Variants in SPATA2L observed in about 807,000 individuals in gnomAD.
The protein encoded by SPATA2L is spermatogenesis associated 2 like, also known as spermatogenesis-associated protein 2-like protein.
A neutral mutation model predicts 8.7 loss-of-function variants in SPATA2L; 5 were observed. That is an observed-to-expected ratio of 0.57 (90% CI 0.30 to 1.21). SPATA2L has a LOEUF of 1.21. Among genes scored for constraint, SPATA2L ranks in the 50% most tolerant of loss-of-function variants. The probability of loss-of-function intolerance (pLI) is 0.07; values close to 1 mark genes in which losing one functional copy is unlikely to be tolerated. For synonymous variants in SPATA2L, 358 were observed against 275.8 expected (o/e 1.30, Z -2.95); for missense variants, 671 against 591.0 (o/e 1.14, Z -1.40).
intron 2 of SPATA2L, 41 bp downstream of exon 2, chr16:89,700,889 G>A (rs772168987): frequency 4.3e-6 from 6 of 1,407,512 alleles, no homozygotes; most frequent in Non-Finnish European, 5.6e-6. Flanking sequence ...GCGACCCGCA[G>A]GCCAGGACGA....
Position 89,697,010 on chromosome 16 carries a change from A to G in SPATA2L, c.*324T>C. ...GGCCAGGAGCCACGGGCCTTGGGGC[A>G]CAGGGTCCTTCTCAGGGACAGGTTC... On this transcript the variant is annotated 3_prime_UTR_variant, in exon 3 of 3. Coordinates refer to ENST00000289805, the MANE Select transcript of SPATA2L (RefSeq NM_152339.4). The G allele has an allele frequency of 1.4e-6, 2 of 1,422,154 alleles. No individual in the cohort carries two copies. The highest frequency in any genetic ancestry group is 9.2e-7 in the Non-Finnish European group (1 of 1,086,804). 88.1% of individuals were successfully genotyped at this position (1,422,154 alleles called of 1,614,324 possible).
rs760890726 is a variant in SPATA2L, at chr16:89,700,908, C to G, written c.303+22G>C. 19 of 1,420,156 alleles carry G rather than the reference C, an allele frequency of 1.3e-5. No homozygotes were observed. The African/African-American group carries it at 2.7e-4, about 20-fold the overall frequency. 88.0% of individuals were successfully genotyped at this position (1,420,156 alleles called of 1,614,324 possible). A position where few individuals can be genotyped will look rare whatever the true frequency, so the allele number is the denominator to read the frequency against. ...CCCGCAGGCCAGGACGAGGGGCGCG[C>G]TCCTCCTGGCCTGGCGCCTACCTTG... On this transcript the variant is annotated intron_variant, in intron 2 of 2. Transcript: ENST00000289805.
rs2060737292 is a variant in SPATA2L, at chr16:89,697,279, G to A, written c.*55C>T. 2.1e-6 allele frequency: 3 copies of A among 1,462,670 alleles called. No homozygotes were observed. Among genetic ancestry groups the A allele is most frequent in the Non-Finnish European group, 2.7e-6 (3 of 1,112,656 alleles). 90.6% of individuals were successfully genotyped at this position (1,462,670 alleles called of 1,614,324 possible). A position where few individuals can be genotyped will look rare whatever the true frequency, so the allele number is the denominator to read the frequency against. ...GAGGCCCAGACCCCTCCCCAGCAAA[G>A]AGAAGCACCACGGGAGCTGTCTCCC... On this transcript the variant is annotated 3_prime_UTR_variant, in exon 3 of 3. Coordinates refer to ENST00000289805, the MANE Select transcript of SPATA2L (RefSeq NM_152339.4).
intron 2 of SPATA2L, among the ~76,000 whole-genome samples, chr16:89,700,608 A>T (rs1223615582): frequency 1.3e-5 from 2 of 152,216 alleles, no homozygotes; most frequent in African/African-American, 4.8e-5. Context: ...TGGGAACTCA[A>T]GTCCCTTCTG....
Position 89,697,036 on chromosome 16 carries a change from A to T in SPATA2L, c.*298T>A. ...CAGGGTCCTTCTCAGGGACAGGTTC[A>T]GGCACTGGCTGGAACAGGCTGGACC... On this transcript the variant is annotated 3_prime_UTR_variant, in exon 3 of 3. Coordinates refer to ENST00000289805, the MANE Select transcript of SPATA2L (RefSeq NM_152339.4). 7.1e-7 allele frequency: 1 copy of T among 1,415,300 alleles called. No individual in the cohort carries two copies. Among genetic ancestry groups the T allele is most frequent in the East Asian group, 2.5e-5 (1 of 39,420 alleles). 87.7% of individuals were successfully genotyped at this position (1,415,300 alleles called of 1,614,324 possible).
chr16:89,696,530 G>A lies in SPATA2L; in HGVS notation c.*804C>T, dbSNP rs979716889. 66 of 430,000 alleles carry A rather than the reference G, an allele frequency of 1.5e-4. 2 individuals carry two copies. The highest frequency in any genetic ancestry group is 4.6e-4 in the Admixed American group (11 of 24,100). 26.6% of individuals were successfully genotyped at this position (430,000 alleles called of 1,614,324 possible). A position where few individuals can be genotyped will look rare whatever the true frequency, so the allele number is the denominator to read the frequency against. ...CCCTGCCCTCTCCCTCGCCAGACCC[G>A]AGGGTAGGGCAGAGGCACCTCCTCG... On this transcript the variant is annotated 3_prime_UTR_variant, in exon 3 of 3. Coordinates refer to ENST00000289805, the MANE Select transcript of SPATA2L (RefSeq NM_152339.4).
chr16:89,700,874 G>A lies in SPATA2L; in HGVS notation c.303+56C>T, dbSNP rs1035906241. The A allele has an allele frequency of 2.9e-6, 4 of 1,396,858 alleles. No individual in the cohort carries two copies. In the South Asian group the frequency reaches 4.8e-5, roughly 17 times the overall value. The allele number at this position is 1,396,858 out of a possible 1,614,324, so 86.5% of individuals were successfully genotyped here. ...AAGGCGTGGTCCCCCATGGTCGGCG[G>A]CCCCGCGACCCGCAGGCCAGGACGA... On this transcript the variant is annotated intron_variant, in intron 2 of 2. Transcript: ENST00000289805.
chr16:89,699,240 T>C (rs1454549750), intron 2 of SPATA2L, among the ~76,000 whole-genome samples: 1 of 152,236 alleles, frequency 6.6e-6, no homozygotes, highest in African/African-American at 2.4e-5. Context: ...TAGTTTTGAA[T>C]GTACTTGCCC....
rs1190091042 is a variant in SPATA2L, at chr16:89,697,226, C to T, written c.*108G>A. 1.2e-5 allele frequency: 17 copies of T among 1,403,048 alleles called. No homozygotes were observed. The highest frequency in any genetic ancestry group is 8.8e-5 in the South Asian group (5 of 56,736). 86.9% of individuals were successfully genotyped at this position (1,403,048 alleles called of 1,614,324 possible). A position where few individuals can be genotyped will look rare whatever the true frequency, so the allele number is the denominator to read the frequency against. Reference sequence around the variant, plus strand: ...GGACTCTCCAACCCCCTGCTGTGCCCAGGACTCCCCCAGGGACAAGGCAAC... The same window carrying T: ...GGACTCTCCAACCCCCTGCTGTGCCTAGGACTCCCCCAGGGACAAGGCAAC... On this transcript the variant is annotated 3_prime_UTR_variant, in exon 3 of 3. Coordinates refer to ENST00000289805, the MANE Select transcript of SPATA2L (RefSeq NM_152339.4).
chr16:89,697,040 A>T lies in SPATA2L; in HGVS notation c.*294T>A, dbSNP rs2060734825. 1 of 1,410,950 alleles carries T rather than the reference A, an allele frequency of 7.1e-7. No individual in the cohort carries two copies. The highest frequency in any genetic ancestry group is 1.4e-5 in the African/African-American group (1 of 69,476). 87.4% of individuals were successfully genotyped at this position (1,410,950 alleles called of 1,614,324 possible). On this transcript the variant is annotated 3_prime_UTR_variant, in exon 3 of 3. Transcript: ENST00000289805. The stretch of plus-strand genomic sequence containing the variant: ...GTCCTTCTCAGGGACAGGTTCAGGC[A>T]CTGGCTGGAACAGGCTGGACCCCTC...
At chr16:89,698,615 T>C (rs1290139639) in intron 2 of SPATA2L, among the ~76,000 whole-genome samples, 1 of 146,246 alleles carries the variant, frequency 6.8e-6, no homozygotes, top group African/African-American at 2.5e-5. Context: ...GCCTCCCGGG[T>C]AGCTGGGACT....
chr16:89,697,996 G>C lies in SPATA2L; in HGVS notation c.613C>G (p.Gln205Glu). 1 of 1,601,194 alleles carries C rather than the reference G, an allele frequency of 6.2e-7. No individual in the cohort carries two copies. Among genetic ancestry groups the C allele is most frequent in the Non-Finnish European group, 8.5e-7 (1 of 1,177,438 alleles). Reference protein sequence around the residue: ...CVAWLQQRLAQDEEPPPLPPR... With the variant: ...CVAWLQQRLAEDEEPPPLPPR... ...GGCAGGGGTGGCGGCTCCTCATCCT[G>C]GGCCAGCCGCTGCTGCAGCCAGGCC... Residue 205 changes from glutamine (Q) to glutamate (E), a missense_variant, in exon 3 of 3, where the codon CAG becomes GAG. Coordinates refer to ENST00000289805, the MANE Select transcript of SPATA2L (RefSeq NM_152339.4).
Position 89,698,009 on chromosome 16 carries a change from C to G in SPATA2L, c.600G>C (p.Gln200His). The G allele has an allele frequency of 6.2e-7, 1 of 1,600,698 alleles. No homozygotes were observed. Among genetic ancestry groups the G allele is most frequent in the Non-Finnish European group, 8.5e-7 (1 of 1,177,560 alleles). ...GCTCCTCATCCTGGGCCAGCCGCTG[C>G]TGCAGCCAGGCCACACAGGAGGCCA... Reference protein sequence around the residue: ...GDVASCVAWLQQRLAQDEEPP... With the variant: ...GDVASCVAWLHQRLAQDEEPP... Residue 200 changes from glutamine (Q) to histidine (H), a missense_variant, in exon 3 of 3, where the codon CAG (glutamine) becomes CAC (histidine). Gln to His is a conservative substitution (Grantham distance 24). Transcript: ENST00000289805.
rs758560667 is a variant in SPATA2L, at chr16:89,697,405, G to T, written c.1204C>A (p.Gln402Lys). 4 of 1,600,276 alleles carry T rather than the reference G, an allele frequency of 2.5e-6. No homozygotes were observed. The South Asian group carries it at 4.5e-5, about 18-fold the overall frequency. The change falls in exon 3 of 3, where the codon CAG becomes AAG. Residue 402 changes from glutamine (Q) to lysine (K), a missense_variant. Coordinates refer to ENST00000289805, the MANE Select transcript of SPATA2L (RefSeq NM_152339.4). Reference sequence around the variant, plus strand: ...GCACGCTGTAGCCACAAGCGCCGCTGGGCGTCGCCAAGCAGCACACGCAGC... The same window carrying T: ...GCACGCTGTAGCCACAAGCGCCGCTTGGCGTCGCCAAGCAGCACACGCAGC... ...HSLRVLLGDA[Q>K]RRLWLQRAQM...
At position 89,696,498 on chromosome 16, in the gene SPATA2L, G is replaced by A. The variant is rs1056248362; in HGVS notation, c.*836C>T. On this transcript the variant is annotated 3_prime_UTR_variant, in exon 3 of 3. Coordinates refer to ENST00000289805, the MANE Select transcript of SPATA2L (RefSeq NM_152339.4). Reference sequence around the variant, plus strand: ...GTGGGCCCAGAGGGGCTGTCACAGTGGATGCACCCTGCCCTCTCCCTCGCC... The same window carrying A: ...GTGGGCCCAGAGGGGCTGTCACAGTAGATGCACCCTGCCCTCTCCCTCGCC... The A allele has an allele frequency of 1.0e-5, 4 of 386,048 alleles. No individual in the cohort carries two copies. Among genetic ancestry groups the A allele is most frequent in the East Asian group, 8.6e-5 (2 of 23,190 alleles). The allele number at this position is 386,048 out of a possible 1,614,324, so 23.9% of individuals were successfully genotyped here. A position where few individuals can be genotyped will look rare whatever the true frequency, so the allele number is the denominator to read the frequency against.
chr16:89,696,925 C>A lies in SPATA2L; in HGVS notation c.*409G>T. ...CCTTGAGGACACTCGTGTGGAGAAT[C>A]CCTGGGACACGTGGAGGACCCCCAA... On this transcript the variant is annotated 3_prime_UTR_variant, in exon 3 of 3. Transcript: ENST00000289805. The A allele has an allele frequency of 4.6e-6, 7 of 1,519,908 alleles. No homozygotes were observed. The South Asian group carries it at 7.3e-5, about 16-fold the overall frequency. The allele number at this position is 1,519,908 out of a possible 1,614,324, so 94.2% of individuals were successfully genotyped here.
In SPATA2L at chr16:89,701,004, C is replaced by T; in HGVS notation, c.229G>A (p.Ala77Thr). Residue 77 changes from alanine to threonine, a missense_variant, in exon 2 of 3, where the codon GCC becomes ACC. Transcript: ENST00000289805. ...LAPALRGLAR[A>T]FELLELAAVH... ...GCGGCGAGCTCCAGAAGCTCGAAGG[C>T]GCGAGCCAGGCCGCGTAGCGCGGGC... 1.9e-6 allele frequency: 3 copies of T among 1,567,084 alleles called. No individual in the cohort carries two copies. Among genetic ancestry groups the T allele is most frequent in the South Asian group, 1.2e-5 (1 of 85,990 alleles).
rs1390111828 is a variant in SPATA2L at position 89,698,304 on chromosome 16, G to A, written c.305C>T (p.Thr102Ile). 1 of 1,555,870 alleles carries A rather than the reference G, an allele frequency of 6.4e-7. No individual in the cohort carries two copies. Among genetic ancestry groups the A allele is most frequent in the African/African-American group, 1.4e-5 (1 of 73,664 alleles). The change falls in exon 3 of 3, where the codon ACC (threonine) becomes ATC (isoleucine). Residue 102 changes from threonine to isoleucine, a missense_variant and splice_region_variant. By Grantham distance (89) the Thr-to-Ile change is moderately conservative. Coordinates refer to ENST00000289805, the MANE Select transcript of SPATA2L (RefSeq NM_152339.4). Reference protein sequence around the residue: ...PWRKEFTTIKTFSGGYVHVLK... With the variant: ...PWRKEFTTIKIFSGGYVHVLK... ...CACGTGCACGTAGCCCCCAGAGAAG[G>A]TCTGCAAGGGAGCGGCCAGGTCAGT...
rs557359118 is a variant in SPATA2L, at chr16:89,696,800, C to T, written c.*534G>A. On this transcript the variant is annotated 3_prime_UTR_variant, in exon 3 of 3. Coordinates refer to ENST00000289805, the MANE Select transcript of SPATA2L (RefSeq NM_152339.4). ...GCTGCTGTGACACCCAAGGGGAGGGCCGGCGTCCCCGAAGCCAGGTCAGCC... is the reference window on the plus strand; with the variant it reads ...GCTGCTGTGACACCCAAGGGGAGGGTCGGCGTCCCCGAAGCCAGGTCAGCC... The T allele has an allele frequency of 1.2e-5, 19 of 1,534,132 alleles. No individual in the cohort carries two copies. Among genetic ancestry groups the T allele is most frequent in the Non-Finnish European group, 1.7e-5 (19 of 1,145,814 alleles).
Sources: gnomAD v4.1 joint callset for allele counts (sites outside exome capture counted in the v4.1 genomes callset) on GRCh38, gnomAD v4.1.1 for gene constraint, MANE v1.5 for transcripts, NCBI Gene and HGNC (gene_info 2026-07-23, HGNC 2026-07-21) for gene names.